The following MYO1D variants were observed in gnomAD, a reference collection of about 807,000 sequenced individuals.
MYO1D encodes the protein myosin ID.
MYO1D carries 83 observed loss-of-function variants against 122.0 expected under a neutral mutation model. The observed-to-expected ratio is 0.68, with a 90% CI of 0.57 to 0.82. The LOEUF is 0.82. Among genes scored for constraint, MYO1D ranks in the 40% least tolerant of loss-of-function variants. The pLI, the probability that MYO1D is intolerant of heterozygous loss-of-function variation, is 0.00. For missense variants in MYO1D, 1,157 were observed against 1,269.5 expected, an observed-to-expected ratio of 0.91 and a Z score of 1.35; for synonymous variants, 464 against 446.9, an observed-to-expected ratio of 1.04 and a Z score of -0.48.
At chr17:32,538,092 T>C (rs1284003686) in intron 21 of MYO1D, among the ~76,000 whole-genome samples, 1 of 152,186 alleles carries the variant, frequency 6.6e-6, no homozygotes, top group Non-Finnish European at 1.5e-5. Context: ...ACTGTAGAAG[T>C]ATAATTGGCA....
At chr17:32,709,522 A>G (rs1174029117) in intron 16 of MYO1D, among the ~76,000 whole-genome samples, 1 of 152,202 alleles carries the variant, frequency 6.6e-6, no homozygotes, top group Non-Finnish European at 1.5e-5. Flanking sequence ...GAGATCCAAC[A>G]GAAACATTTA....
chr17:32,524,966 G>A (rs1910295217), intron 21 of MYO1D, among the ~76,000 whole-genome samples: 1 of 152,206 alleles, frequency 6.6e-6, no homozygotes, highest in South Asian at 2.1e-4. Flanking sequence ...GCCTCCCAAA[G>A]TGCTAGGATT....
At chr17:32,592,873 A>G (rs1333228066) in intron 21 of MYO1D, among the ~76,000 whole-genome samples, 2 of 152,186 alleles carry the variant, frequency 1.3e-5, no homozygotes, top group African/African-American at 4.8e-5. Flanking sequence ...CAACAAAACA[A>G]AACAATGTGA....
In MYO1D at chr17:32,767,735, A is replaced by C. The variant is rs149105595; in HGVS notation, c.732T>G (p.Ala244=). Residue 244 remains alanine, a synonymous_variant, in exon 7 of 22, where the codon GCT becomes GCG. Coordinates refer to ENST00000318217, the MANE Select transcript of MYO1D (RefSeq NM_015194.3). ...CATCAGCAACAACTCTGAATTCGGC[A>C]GCATCATTGATAGAAGACTGGGGAT... ...GAQLKSSIND[A]AEFRVVADAM... 4 of 1,612,952 alleles carry C rather than the reference A, an allele frequency of 2.5e-6. No homozygotes were observed. The African/African-American group carries it at 5.3e-5, about 22-fold the overall frequency.
At chr17:32,864,640 A>G (rs766031127) in intron 1 of MYO1D, among the ~76,000 whole-genome samples, 20 of 151,914 alleles carry the variant, frequency 1.3e-4, no homozygotes, top group Non-Finnish European at 2.4e-4. Flanking sequence ...GAGCAATGGT[A>G]ATTTCATTTT....
At position 32,767,978 on chromosome 17, in the gene MYO1D, C is replaced by T. The variant is rs538198338; in HGVS notation, c.715-226G>A. On this transcript the variant is annotated intron_variant, in intron 6 of 21. Coordinates refer to ENST00000318217, the MANE Select transcript of MYO1D (RefSeq NM_015194.3). ...CCATCACCTAAAATAAGCACTGTGC[C>T]GTTTTCTGGAACCTTCAGTGAGGGA... 4.6e-5 allele frequency among the ~76,000 whole-genome samples: 7 copies of T among 152,304 alleles called. No homozygotes were observed. The South Asian group carries it at 8.3e-4, about 18-fold the overall frequency.
At chr17:32,603,274 G>A (rs1395045125) in intron 21 of MYO1D, among the ~76,000 whole-genome samples, 1 of 152,096 alleles carries the variant, frequency 6.6e-6, no homozygotes, top group Non-Finnish European at 1.5e-5. Flanking sequence ...TCTGTCACTT[G>A]TAGAAGGCAC....
chr17:32,677,978 C>T (rs1390808926), intron 16 of MYO1D, among the ~76,000 whole-genome samples: 1 of 152,150 alleles, frequency 6.6e-6, no homozygotes, highest in Non-Finnish European at 1.5e-5. Flanking sequence ...AACCTAAACT[C>T]CAGCATAGAC....
In MYO1D at chr17:32,748,976, C is replaced by G; in HGVS notation, c.1498G>C (p.Asp500His). The G allele has an allele frequency of 6.2e-7, 1 of 1,613,862 alleles. No homozygotes were observed. Among genetic ancestry groups the G allele is most frequent in the Non-Finnish European group, 8.5e-7 (1 of 1,179,826 alleles). ...LCASDKILEFDRDFRIRHYAG... is the reference protein window; with the variant it reads ...LCASDKILEFHRDFRIRHYAG... ...TAATGTCGAATTCGAAAATCTCGAT[C>G]AAACTCCAGAATTTTGTCTGAGGCA... The change falls in exon 12 of 22, where the codon GAT becomes CAT. Residue 500 changes from aspartate (D) to histidine (H), a missense_variant. Coordinates refer to ENST00000318217, the MANE Select transcript of MYO1D (RefSeq NM_015194.3).
At chr17:32,826,826 C>T (rs902644102) in intron 1 of MYO1D, among the ~76,000 whole-genome samples, 1 of 152,120 alleles carries the variant, frequency 6.6e-6, no homozygotes, top group Admixed American at 6.5e-5. Context: ...CAGCTAAATT[C>T]TGATACAATC....
chr17:32,517,454 C>G (rs1343946999), intron 21 of MYO1D, among the ~76,000 whole-genome samples: 1 of 152,154 alleles, frequency 6.6e-6, no homozygotes, highest in Non-Finnish European at 1.5e-5. Flanking sequence ...TTGTCTGTCT[C>G]TGGGAGCCCA....
chr17:32,627,878 A>G (rs547474248), intron 20 of MYO1D: 1 of 152,162 alleles, frequency 6.6e-6, no homozygotes, highest in Non-Finnish European at 1.5e-5. Flanking sequence ...ATTAAACTCA[A>G]TCTTGGCAAC....
chr17:32,654,359 A>G (rs975648229), intron 18 of MYO1D, 118 bp downstream of exon 18: 1 of 1,140,972 alleles, frequency 8.8e-7, no homozygotes, highest in African/African-American at 1.6e-5. Context: ...AGTATCTCAT[A>G]GAAATTATTT....
chr17:32,810,848 G>A (rs779683333), intron 1 of MYO1D, among the ~76,000 whole-genome samples: 6 of 151,108 alleles, frequency 4.0e-5, no homozygotes, highest in Admixed American at 1.3e-4. Flanking sequence ...TGTTTGAGGA[G>A]TTGTCTTTTT....
At chr17:32,601,159 C>G (rs1268271534) in intron 21 of MYO1D, among the ~76,000 whole-genome samples, 1 of 152,090 alleles carries the variant, frequency 6.6e-6, no homozygotes, top group Non-Finnish European at 1.5e-5. Context: ...TGGTCTGGAA[C>G]TCCTGGCCTC....
intron 16 of MYO1D, among the ~76,000 whole-genome samples, chr17:32,685,733 C>T (rs1279356600): frequency 6.6e-6 from 1 of 152,212 alleles, no homozygotes; most frequent in East Asian, 1.9e-4. Flanking sequence ...AATAACTTTG[C>T]TTTTAATTCT....
chr17:32,772,706 G>A, intron 5 of MYO1D, 83 bp downstream of exon 5: 1 of 1,165,026 alleles, frequency 8.6e-7, no homozygotes, highest in East Asian at 2.4e-5. Context: ...TGATGCATAG[G>A]ACAGGGGAAA....
Position 32,516,451 on chromosome 17 carries a change from C to T in MYO1D, c.2865-21536G>A, listed in dbSNP as rs928138154. 5.9e-5 allele frequency among the ~76,000 whole-genome samples: 9 copies of T among 152,334 alleles called. No individual in the cohort carries two copies. The South Asian group carries it at 6.2e-4, about 11-fold the overall frequency. The stretch of plus-strand genomic sequence containing the variant: ...TGGGTTGTTTTGATCCAGGCTGGAG[C>T]TTGCTGGCTGGGAAAGTGTGGGTTC... On this transcript the variant is annotated intron_variant, in intron 21 of 21. Coordinates refer to ENST00000318217, the MANE Select transcript of MYO1D (RefSeq NM_015194.3).
chr17:32,742,241 A>G (rs1567619893), intron 13 of MYO1D, among the ~76,000 whole-genome samples: 1 of 152,164 alleles, frequency 6.6e-6, no homozygotes, highest in South Asian at 2.1e-4. Flanking sequence ...ATTTTATATA[A>G]GGGACTTGAA....
Sources: allele counts gnomAD v4.1 joint callset (sites outside exome capture counted in the v4.1 genomes callset), GRCh38; gene constraint gnomAD v4.1.1; transcripts MANE v1.5; gene names NCBI Gene and HGNC (gene_info 2026-07-23, HGNC 2026-07-21).